Variants in HLCS observed in about 807,000 individuals in gnomAD.
HLCS encodes holocarboxylase synthetase, also known as biotin--protein ligase.
A neutral mutation model predicts 75.0 loss-of-function variants in HLCS; 53 were observed. That is an observed-to-expected ratio of 0.71 (90% confidence interval 0.57 to 0.89). The LOEUF (loss-of-function observed/expected upper bound fraction) is 0.89, where lower values mean the gene tolerates loss of function less well. HLCS is among the 40% of genes least tolerant of loss of function. The probability of loss-of-function intolerance (pLI) is 0.00; values close to 1 mark genes in which losing one functional copy is unlikely to be tolerated. For missense variants in HLCS, 966 were observed against 1,074.0 expected (o/e 0.90, Z 1.41); for synonymous variants, 431 against 428.6 (o/e 1.01, Z -0.07).
intron 5 of HLCS, among the ~76,000 whole-genome samples, chr21:36,903,391 G>A (rs2065318622): frequency 1.3e-5 from 2 of 152,118 alleles, no homozygotes; most frequent in East Asian, 1.9e-4. Flanking sequence ...AAAATGCACA[G>A]ATCTGAATTT....
At chr21:36,956,857 C>T (rs2067988465) in intron 2 of HLCS, among the ~76,000 whole-genome samples, 1 of 151,806 alleles carries the variant, frequency 6.6e-6, no homozygotes, top group Non-Finnish European at 1.5e-5. Flanking sequence ...TCAAGACCCA[C>T]CCTGGCCAAC....
intron 6 of HLCS, among the ~76,000 whole-genome samples, chr21:36,841,528 TC>T (rs2062614708): frequency 1.3e-5 from 2 of 152,214 alleles, no homozygotes; most frequent in African/African-American, 4.8e-5. Context: ...GAGGATTCAA[TC>T]TGTGTGTGAA....
rs1206164006 is a variant in HLCS at position 36,751,128 on chromosome 21, T to A, written c.*3118A>T. On this transcript the variant is annotated 3_prime_UTR_variant, in exon 11 of 11. Transcript: ENST00000674895. The stretch of plus-strand genomic sequence containing the variant: ...AATGTTTAAATATGAATAAAAATAC[T>A]GTAACCCAAAGTAGTTGCCTACTTT... 6.6e-6 allele frequency: 1 copy of A among 152,526 alleles called. No individual in the cohort carries two copies. Among genetic ancestry groups the A allele is most frequent in the Non-Finnish European group, 1.5e-5 (1 of 68,030 alleles). 9.4% of individuals were successfully genotyped at this position (152,526 alleles called of 1,614,324 possible).
intron 2 of HLCS, among the ~76,000 whole-genome samples, chr21:36,945,446 G>A (rs6517395): frequency 4.4e-4 from 67 of 152,052 alleles, no homozygotes; most frequent in Middle Eastern, 3.4e-3. Flanking sequence ...AATGTATATA[G>A]CTATACAGAG....
intron 5 of HLCS, among the ~76,000 whole-genome samples, chr21:36,921,903 G>A (rs1208281636): frequency 6.6e-6 from 1 of 152,146 alleles, no homozygotes; most frequent in African/African-American, 2.4e-5. Flanking sequence ...CACTCTCTGG[G>A]AGAAATGACC....
In HLCS at chr21:36,962,975, G is replaced by A. The variant is rs568551598; in HGVS notation, c.196-805C>T. 9.9e-5 allele frequency among the ~76,000 whole-genome samples: 15 copies of A among 152,056 alleles called. No individual in the cohort carries two copies. In the South Asian group the frequency reaches 1.5e-3, roughly 15 times the overall value. On this transcript the variant is annotated intron_variant, in intron 1 of 10. Transcript: ENST00000674895. The stretch of plus-strand genomic sequence containing the variant: ...GTGAAATCAACCCTGCTCCTCTCCC[G>A]GAGATCTGGGAAGTGTGCAAGTCTC...
chr21:36,755,038 T>G (rs1279988318), intron 10 of HLCS, among the ~76,000 whole-genome samples: 2 of 152,186 alleles, frequency 1.3e-5, no homozygotes, highest in Non-Finnish European at 2.9e-5. Flanking sequence ...ATATTTTCTG[T>G]ATTTGCTTTC....
chr21:36,957,184 T>C (rs1010457226), intron 2 of HLCS, among the ~76,000 whole-genome samples: 2 of 152,058 alleles, frequency 1.3e-5, no homozygotes, highest in African/African-American at 4.8e-5. Context: ...GTTTGGGTAA[T>C]GGGAACAGAT....
intron 2 of HLCS, among the ~76,000 whole-genome samples, chr21:36,955,135 T>A (rs530214960): frequency 6.6e-6 from 1 of 152,280 alleles, no homozygotes; most frequent in South Asian, 2.1e-4. Flanking sequence ...GGGGAAGGCA[T>A]TGTTATCACA....
chr21:36,946,150 C>T, intron 2 of HLCS: 4 of 979,202 alleles, frequency 4.1e-6, no homozygotes, highest in Non-Finnish European at 4.9e-6. Flanking sequence ...GGGCAAAAAC[C>T]GAACCTGGCA....
At chr21:36,957,284 C>T (rs2068017242) in intron 2 of HLCS, among the ~76,000 whole-genome samples, 2 of 152,130 alleles carry the variant, frequency 1.3e-5, no homozygotes, top group African/African-American at 2.4e-5. Context: ...CCTCCCCCAG[C>T]TCAGTCTCAC....
chr21:36,826,167 A>G (rs1260830317), intron 6 of HLCS, among the ~76,000 whole-genome samples: 1 of 152,226 alleles, frequency 6.6e-6, no homozygotes, highest in Non-Finnish European at 1.5e-5. Flanking sequence ...CTCGTGAAAC[A>G]GTTCCTAACA....
chr21:36,871,182 A>T (rs2063757072), intron 6 of HLCS, among the ~76,000 whole-genome samples: 1 of 152,146 alleles, frequency 6.6e-6, no homozygotes, highest in African/African-American at 2.4e-5. Context: ...TGTGCATACA[A>T]ATTTAGATTT....
chr21:36,840,289 T>TC (rs2062570936), intron 6 of HLCS, among the ~76,000 whole-genome samples: 1 of 152,190 alleles, frequency 6.6e-6, no homozygotes, highest in African/African-American at 2.4e-5. Context: ...AGGTGAATAT[T>TC]TAAAAAAATT....
At chr21:36,965,398 G>A (rs2068513614) in intron 1 of HLCS, among the ~76,000 whole-genome samples, 1 of 152,222 alleles carries the variant, frequency 6.6e-6, no homozygotes, top group Admixed American at 6.5e-5. Context: ...GTGAAGCTAA[G>A]CCCATTTCCA....
intron 6 of HLCS, among the ~76,000 whole-genome samples, chr21:36,847,377 C>T (rs994858458): frequency 2.0e-5 from 3 of 152,296 alleles, no homozygotes; most frequent in East Asian, 3.9e-4. Flanking sequence ...AGCACAGACT[C>T]GTTTCTATGA....
intron 4 of HLCS, among the ~76,000 whole-genome samples, chr21:36,930,785 T>C (rs1337707111): frequency 1.3e-5 from 2 of 152,170 alleles, no homozygotes; most frequent in East Asian, 3.8e-4. Flanking sequence ...TAATTATCAA[T>C]AGCATATAAA....
chr21:36,951,715 G>C (rs2146606732), intron 2 of HLCS, among the ~76,000 whole-genome samples: 1 of 152,240 alleles, frequency 6.6e-6, no homozygotes, highest in Middle Eastern at 3.4e-3. Flanking sequence ...TCAAGTACAA[G>C]GAACATAAGC....
intron 6 of HLCS, among the ~76,000 whole-genome samples, chr21:36,779,183 T>A (rs2060452415): frequency 1.3e-5 from 2 of 151,998 alleles, no homozygotes; most frequent in African/African-American, 4.8e-5. Context: ...GGGTTTCACA[T>A]CCCATGAATA....
Sources: allele counts gnomAD v4.1 joint callset (sites outside exome capture counted in the v4.1 genomes callset), GRCh38; gene constraint gnomAD v4.1.1; transcripts MANE v1.5; gene names NCBI Gene and HGNC (gene_info 2026-07-23, HGNC 2026-07-21).